Variants in LINGO3 observed in about 807,000 individuals in gnomAD.
LINGO3 encodes leucine-rich repeat and immunoglobulin-like domain-containing nogo receptor-interacting protein 3.
For missense variants in LINGO3, 750 were observed against 867.7 expected (o/e 0.86, Z 1.70); for synonymous variants, 427 against 444.2 (o/e 0.96, Z 0.49).
At chr19:2,304,945 G>C in the LINGO3 span, among the ~76,000 whole-genome samples, 1 of 152,058 alleles carries the variant, frequency 6.6e-6, no homozygotes, top group Admixed American at 6.6e-5. Flanking sequence ...CTGATCTCCA[G>C]TGATCTGCCT....
At chr19:2,291,321 C>T (rs1199721173) in exon 1 of LINGO3, 4 of 1,613,102 alleles carry the variant, frequency 2.5e-6, no homozygotes, top group East Asian at 2.2e-5. Context: ...CCAGCCGGCG[C>T]AGGCTGTGCA....
At chr19:2,289,404 C>T (rs1359147120), downstream of LINGO3, among the ~76,000 whole-genome samples, 1 of 151,812 alleles carries the variant, frequency 6.6e-6, no homozygotes, top group Non-Finnish European at 1.5e-5. Flanking sequence ...GTTTTAGTGT[C>T]GGCTGGGTGT....
the LINGO3 span, among the ~76,000 whole-genome samples, chr19:2,299,145 A>G: frequency 6.6e-6 from 1 of 152,152 alleles, no homozygotes; most frequent in Non-Finnish European, 1.5e-5. Flanking sequence ...GGGCCACTCA[A>G]GCTGTGACCT....
the LINGO3 span, among the ~76,000 whole-genome samples, chr19:2,302,562 C>T: frequency 6.6e-6 from 1 of 152,224 alleles, no homozygotes; most frequent in African/African-American, 2.4e-5. Flanking sequence ...GCCTCCCCTC[C>T]CCAGCAAGGG....
chr19:2,299,234 G>C, the LINGO3 span, among the ~76,000 whole-genome samples: 1 of 152,116 alleles, frequency 6.6e-6, no homozygotes, highest in African/African-American at 2.4e-5. Flanking sequence ...GGAGGCAGGA[G>C]GGGGGATCTG....
downstream of LINGO3, among the ~76,000 whole-genome samples, chr19:2,289,179 T>C (rs1362150218): frequency 4.8e-5 from 7 of 147,062 alleles, no homozygotes; most frequent in South Asian, 2.2e-4. Context: ...AGCTCTGTGT[T>C]CCGGGTGTGA....
At chr19:2,292,514 G>A (rs530411904), upstream of LINGO3, among the ~76,000 whole-genome samples, 35 of 151,738 alleles carry the variant, frequency 2.3e-4, no homozygotes, top group African/African-American at 7.7e-4. Context: ...GTTTGAGATG[G>A]AGGCTCACTC....
chr19:2,300,023 C>CTTTTTTTTT, the LINGO3 span, among the ~76,000 whole-genome samples: 42 of 95,880 alleles, frequency 4.4e-4, no homozygotes, highest in South Asian at 9.0e-4. Context: ...TGCCTGGCCT[C>CTTTTTTTTT]TTTTTTTTTT....
Position 2,290,094 on chromosome 19 carries a change from G to C in LINGO3, c.1683C>G (p.Asn561Lys). ...GGAAGGAGTACTCCACCGAGAAGTT[G>C]TTTTTGTGCTGCCCGCGGCCGCGGC... is the stretch of plus-strand genomic sequence containing the variant. Residue 561 changes from asparagine to lysine, a missense_variant, in exon 1 of 1, where the codon AAC becomes AAG. Asn to Lys is a moderately conservative substitution (Grantham distance 94). Transcript: ENST00000585527. This position sits in a 1 kb window ranked among gnomAD's most constrained non-coding sequence, Gnocchi z 6.0. The C allele has an allele frequency of 6.3e-7, 1 of 1,598,558 alleles. No homozygotes were observed. The highest frequency in any genetic ancestry group is 1.3e-5 in the African/African-American group (1 of 74,752).
chr19:2,291,126 G>A lies in LINGO3; in HGVS notation c.651C>T (p.Asn217=), dbSNP rs77561854. The change falls in exon 1 of 1, where the codon AAC becomes AAT. Residue 217 remains asparagine (N), a synonymous_variant. Coordinates refer to ENST00000585527, the Ensembl canonical transcript of LINGO3. ...GCAGCAGCCCGGGCAGCCTGCGGAA[G>A]TTCTGGTCCTCCAGGGAGGCGATGG... The A allele has an allele frequency of 3.3e-3, 5,328 of 1,608,052 alleles. 7 individuals carry two copies. The highest frequency in any genetic ancestry group is 4.1e-3 in the Non-Finnish European group (4,829 of 1,178,800).
the LINGO3 span, among the ~76,000 whole-genome samples, chr19:2,307,156 G>C: frequency 1.3e-5 from 2 of 152,076 alleles, no homozygotes; most frequent in South Asian, 4.1e-4. Context: ...GCAGACGCCC[G>C]CTCCCCACCC....
upstream of LINGO3, among the ~76,000 whole-genome samples, chr19:2,295,505 C>T (rs146813101): frequency 6.5e-3 from 995 of 152,190 alleles, 13 homozygotes; most frequent in African/African-American, 0.023. Flanking sequence ...GAGGCTGAGG[C>T]GGGTGGATCA....
chr19:2,301,927 C>CAAAA, the LINGO3 span, among the ~76,000 whole-genome samples: 1 of 35,282 alleles, frequency 2.8e-5, no homozygotes, highest in African/African-American at 9.5e-5. Flanking sequence ...GACTCCATCT[C>CAAAA]AAAAAAAAAA....
At chr19:2,289,623 C>CA (rs780857396), downstream of LINGO3, among the ~76,000 whole-genome samples, 5 of 151,886 alleles carry the variant, frequency 3.3e-5, no homozygotes, top group Non-Finnish European at 7.4e-5. Flanking sequence ...GGCTTGGGGG[C>CA]AGCAGTCTTG....
upstream of LINGO3, among the ~76,000 whole-genome samples, chr19:2,293,231 AT>A (rs1161609481): frequency 6.6e-6 from 1 of 151,338 alleles, no homozygotes; most frequent in African/African-American, 2.4e-5. Context: ...CGCCTGGCTA[AT>A]TTTTTGTGTT....
chr19:2,288,438 G>C (rs925826617), downstream of LINGO3, among the ~76,000 whole-genome samples: 1 of 152,252 alleles, frequency 6.6e-6, no homozygotes, highest in Non-Finnish European at 1.5e-5. This position sits in a 1 kb window ranked among gnomAD's most constrained non-coding sequence, Gnocchi z 6.5. Context: ...CTCAGGGCTT[G>C]TCTGAGGCCG....
chr19:2,290,876 G>A lies in LINGO3; in HGVS notation c.901C>T (p.Leu301=). The change falls in exon 1 of 1, where the codon CTG becomes TTG. Residue 301 remains leucine, a synonymous_variant. Coordinates refer to ENST00000585527, the Ensembl canonical transcript of LINGO3. The surrounding 1 kb of genome is among the most constrained non-coding windows in gnomAD (Gnocchi z 6.0). The stretch of plus-strand genomic sequence containing the variant: ...ACCACAGCCAGCAGGGCCCCGGCCA[G>A]GTGCAGCTCGCGCAGGCGGACCAGG... 1 of 1,611,320 alleles carries A rather than the reference G, an allele frequency of 6.2e-7. No individual in the cohort carries two copies. The highest frequency in any genetic ancestry group is 8.5e-7 in the Non-Finnish European group (1 of 1,179,092).
Position 2,290,533 on chromosome 19 carries a change from T to C in LINGO3, c.1244A>G (p.Gln415Arg). ...TTCGCCCGCGGTGGCCGTGACGCGC[T>C]GCAGCCGCCGCTCCCGGATCTTGGG... Residue 415 changes from glutamine (Q) to arginine (R), a missense_variant, in exon 1 of 1, where the codon CAG becomes CGG. Transcript: ENST00000585527. The surrounding 1 kb of genome is among the most constrained non-coding windows in gnomAD (Gnocchi z 6.0). 1 of 1,517,048 alleles carries C rather than the reference T, an allele frequency of 6.6e-7. No individual in the cohort carries two copies. The highest frequency in any genetic ancestry group is 8.8e-7 in the Non-Finnish European group (1 of 1,136,948). 94.0% of individuals were successfully genotyped at this position (1,517,048 alleles called of 1,614,324 possible).
At chr19:2,296,936 CA>C (rs891376919), upstream of LINGO3, among the ~76,000 whole-genome samples, 1 of 151,364 alleles carries the variant, frequency 6.6e-6, no homozygotes, top group Non-Finnish European at 1.5e-5. Flanking sequence ...AAAAAACATA[CA>C]AAAAATTAGC....
Sources: gnomAD v4.1 joint callset for allele counts (sites outside exome capture counted in the v4.1 genomes callset) on GRCh38, gnomAD v4.1.1 for gene constraint, Gnocchi (gnomAD v3.1) non-coding constraint, MANE v1.5 for transcripts, NCBI Gene and HGNC (gene_info 2026-07-23, HGNC 2026-07-21) for gene names.